The following OSTN variants were observed in gnomAD, a reference collection of about 807,000 sequenced individuals.
OSTN encodes the protein osteocrin.
Under a neutral mutation model 12.0 loss-of-function variants are expected in OSTN, and 9 were observed. That is an observed-to-expected ratio of 0.75 (90% CI 0.45 to 1.30). OSTN has a LOEUF of 1.30. Among genes scored for constraint, OSTN ranks in the 50% most tolerant of loss-of-function variants. OSTN has a pLI of 0.00. For synonymous variants in OSTN, 59 were observed against 56.9 expected (o/e 1.04, Z -0.16); for missense variants, 148 against 152.3 (o/e 0.97, Z 0.15).
At chr3:191,244,509 CTCTA>C (rs1452296396) in intron 3 of OSTN, among the ~76,000 whole-genome samples, 1 of 150,456 alleles carries the variant, frequency 6.6e-6, no homozygotes, top group Non-Finnish European at 1.5e-5. Flanking sequence ...AGATTATATT[CTCTA>C]TCTAACATTA....
intron 4 of OSTN, among the ~76,000 whole-genome samples, chr3:191,256,773 A>G (rs950664555): frequency 1.3e-5 from 2 of 151,728 alleles, no homozygotes; most frequent in African/African-American, 4.9e-5. Flanking sequence ...AATTTTAATA[A>G]GTTTATAAAC....
intron 3 of OSTN, among the ~76,000 whole-genome samples, chr3:191,235,027 T>C (rs1715154452): frequency 6.6e-6 from 1 of 152,106 alleles, no homozygotes; most frequent in African/African-American, 2.4e-5. Context: ...AAGAAACACT[T>C]TGCTCCAGAA....
chr3:191,240,975 T>C (rs1043420477), intron 3 of OSTN, among the ~76,000 whole-genome samples: 2 of 152,222 alleles, frequency 1.3e-5, no homozygotes, highest in Admixed American at 1.3e-4. Context: ...GGAGACTACA[T>C]AATGGTAGAA....
At chr3:191,210,245 C>G (rs1560113319) in intron 1 of OSTN, among the ~76,000 whole-genome samples, 1 of 152,182 alleles carries the variant, frequency 6.6e-6, no homozygotes, top group African/African-American at 2.4e-5. Context: ...AAATCTGCCT[C>G]CATTATCCAG....
At chr3:191,223,275 T>G (rs1430582455) in intron 3 of OSTN, among the ~76,000 whole-genome samples, 2 of 152,218 alleles carry the variant, frequency 1.3e-5, no homozygotes, top group East Asian at 3.9e-4. Flanking sequence ...TAAGCCATTA[T>G]AAATATGCAA....
At chr3:191,238,640 T>C (rs918902555) in intron 3 of OSTN, among the ~76,000 whole-genome samples, 3 of 152,158 alleles carry the variant, frequency 2.0e-5, no homozygotes, top group Admixed American at 1.3e-4. Flanking sequence ...TTTGGGGTAG[T>C]GATTTGAGGA....
At chr3:191,242,155 A>C (rs1196840474) in intron 3 of OSTN, among the ~76,000 whole-genome samples, 1 of 152,198 alleles carries the variant, frequency 6.6e-6, no homozygotes, top group Non-Finnish European at 1.5e-5. Flanking sequence ...ATAAAGCTAA[A>C]CCCCCACCTA....
In OSTN at chr3:191,245,441, A is replaced by ATTT. The variant is rs1221346728; in HGVS notation, c.318-4595_318-4594insTTT. On this transcript the variant is annotated intron_variant, in intron 3 of 4. Coordinates refer to ENST00000682035, the MANE Select transcript of OSTN (RefSeq NM_198184.2). ...ATCAAAAAGGAAAGAGTAGCTTAGA[A>ATTT]TAAAAGACTTGCAGAGGGTCATACT... Among the ~76,000 whole-genome samples the ATTT allele has an allele frequency of 3.9e-5, 6 of 152,226 alleles. No homozygotes were observed. In the East Asian group the frequency reaches 7.7e-4, roughly 20 times the overall value.
At chr3:191,202,643 A>T (rs6797951) in intron 1 of OSTN, among the ~76,000 whole-genome samples, 60,861 of 152,018 alleles carry the variant, frequency 0.4, 12,887 homozygotes, top group African/African-American at 0.54. Context: ...GGGGTCGTGA[A>T]ATTCCACATT....
intron 3 of OSTN, among the ~76,000 whole-genome samples, chr3:191,240,546 G>A (rs544848765): frequency 2.0e-5 from 3 of 152,260 alleles, no homozygotes; most frequent in Admixed American, 6.5e-5. Flanking sequence ...TAAAATTGAC[G>A]ACAATAAACA....
At position 191,250,053 on chromosome 3, in the gene OSTN, C is replaced by A; in HGVS notation, c.334C>A (p.Pro112Thr). The A allele has an allele frequency of 3.1e-6, 5 of 1,613,570 alleles. No homozygotes were observed. The highest frequency in any genetic ancestry group is 4.2e-6 in the Non-Finnish European group (5 of 1,179,544). Residue 112 changes from proline to threonine, a missense_variant, in exon 4 of 5, where the codon CCA becomes ACA. Pro to Thr is a conservative substitution (Grantham distance 38). Coordinates refer to ENST00000682035, the MANE Select transcript of OSTN (RefSeq NM_198184.2). ...KGKQRKVVDH[P>T]KRRFGIPMDR... ...TTGTTTCAGGAAAGTAGTAGATCAT[C>A]CAAAAAGGCGATTTGGTATCCCCAT...
intron 3 of OSTN, among the ~76,000 whole-genome samples, chr3:191,249,600 C>T (rs144190454): frequency 5.1e-4 from 78 of 152,268 alleles, no homozygotes; most frequent in Admixed American, 9.1e-4. Context: ...ACTCTTTCCT[C>T]TCCCACCATC....
chr3:191,229,386 G>C (rs73199659), intron 3 of OSTN, among the ~76,000 whole-genome samples: 4 of 152,240 alleles, frequency 2.6e-5, no homozygotes, highest in Non-Finnish European at 5.9e-5. Flanking sequence ...AAATGGTACA[G>C]ACCTTAAAAA....
At chr3:191,232,523 A>ATAT (rs1427581926) in intron 3 of OSTN, among the ~76,000 whole-genome samples, 2 of 143,088 alleles carry the variant, frequency 1.4e-5, no homozygotes, top group Admixed American at 7.1e-5. Flanking sequence ...TATATATATA[A>ATAT]AATTATGTTT....
At chr3:191,241,662 A>G (rs80004818) in intron 3 of OSTN, among the ~76,000 whole-genome samples, 2 of 150,896 alleles carry the variant, frequency 1.3e-5, no homozygotes, top group African/African-American at 2.5e-5. Flanking sequence ...AAATGGAAGG[A>G]AAAAAAGTTT....
chr3:191,211,970 A>AT (rs1287124950), intron 1 of OSTN, among the ~76,000 whole-genome samples: 2 of 151,938 alleles, frequency 1.3e-5, no homozygotes, highest in Non-Finnish European at 2.9e-5. Context: ...TTAATATGTA[A>AT]TTTTTTAATT....
intron 3 of OSTN, among the ~76,000 whole-genome samples, chr3:191,219,872 AT>A (rs1576926707): frequency 6.6e-6 from 1 of 152,054 alleles, no homozygotes; most frequent in African/African-American, 2.4e-5. Flanking sequence ...AAATTATTAA[AT>A]TTTTTTAACA....
At chr3:191,236,231 A>G (rs965108677) in intron 3 of OSTN, among the ~76,000 whole-genome samples, 1 of 152,214 alleles carries the variant, frequency 6.6e-6, no homozygotes, top group African/African-American at 2.4e-5. Context: ...TCAGCCTTTT[A>G]AAGCCACAGC....
In OSTN at chr3:191,264,213, C is replaced by G. The variant is rs1715870840; in HGVS notation, c.*1360C>G. On this transcript the variant is annotated 3_prime_UTR_variant, in exon 5 of 5. Transcript: ENST00000682035. ...CTAAAAATTAATGGACTTGTATGATCCAAAGAATAAAATAAACTCAAAGAA... is the reference window on the plus strand; with the variant it reads ...CTAAAAATTAATGGACTTGTATGATGCAAAGAATAAAATAAACTCAAAGAA... 6.6e-6 allele frequency: 1 copy of G among 151,506 alleles called. No homozygotes were observed. 9.4% of individuals were successfully genotyped at this position (151,506 alleles called of 1,614,324 possible). A position where few individuals can be genotyped will look rare whatever the true frequency, so the allele number is the denominator to read the frequency against.
Sources: allele counts gnomAD v4.1 joint callset (sites outside exome capture counted in the v4.1 genomes callset), GRCh38; gene constraint gnomAD v4.1.1; transcripts MANE v1.5; gene names NCBI Gene and HGNC (gene_info 2026-07-23, HGNC 2026-07-21).